ROR1: variants seen among roughly 807,000 people sequenced by gnomAD.
ROR1 encodes inactive tyrosine-protein kinase transmembrane receptor ROR1.
Under a neutral mutation model 78.8 loss-of-function variants are expected in ROR1, and 19 were observed. The observed-to-expected ratio is 0.24, with a 90% CI of 0.17 to 0.35. The LOEUF is 0.35. ROR1 is among the 10% of genes least tolerant of loss of function. The probability of loss-of-function intolerance (pLI) is 1.00; values close to 1 mark genes in which losing one functional copy is unlikely to be tolerated. For missense variants in ROR1, 917 were observed against 1,177.8 expected, an observed-to-expected ratio of 0.78 and a Z score of 3.24; for synonymous variants, 386 against 433.6, an observed-to-expected ratio of 0.89 and a Z score of 1.36.
In ROR1 at chr1:64,177,551, G is replaced by T; in HGVS notation, c.1510G>T (p.Ala504Ser). The T allele has an allele frequency of 6.2e-7, 1 of 1,614,108 alleles. No individual in the cohort carries two copies. Among genetic ancestry groups the T allele is most frequent in the Non-Finnish European group, 8.5e-7 (1 of 1,179,998 alleles). ...LPGMDHAQLVAIKTLKDYNNP... is the reference protein window; with the variant it reads ...LPGMDHAQLVSIKTLKDYNNP... ...AGGCATGGACCATGCTCAGCTGGTT[G>T]CTATCAAGACCTTGAAAGACTATAA... Residue 504 changes from alanine to serine, a missense_variant, in exon 9 of 9, where the codon GCT becomes TCT. Coordinates refer to ENST00000371079, the MANE Select transcript of ROR1 (RefSeq NM_005012.4).
chr1:63,781,168 T>G (rs970296963), intron 1 of ROR1, among the ~76,000 whole-genome samples: 1 of 152,220 alleles, frequency 6.6e-6, no homozygotes, highest in African/African-American at 2.4e-5. Context: ...TAACATTTAT[T>G]ATATATTTAT....
chr1:64,159,188 C>G lies in ROR1; in HGVS notation c.1382C>G (p.Pro461Arg). The change falls in exon 8 of 9, where the codon CCC becomes CGC. Residue 461 changes from proline (P) to arginine (R), a missense_variant. Physicochemically the swap from Pro to Arg is moderately radical, Grantham distance 103. Around this residue, in one of 3 missense-constraint regions of ROR1, gnomAD observed 835 missense variants for 1,069.8 expected, o/e 0.78. Transcript: ENST00000371079. ...ATGTCAATGCTGAATGCATATAAAC[C>G]CAAGGTAATGTTAGCAGTACAGAGC... ...VEMSMLNAYK[P>R]KSKAKELPLS... 6.2e-7 allele frequency: 1 copy of G among 1,611,936 alleles called. No homozygotes were observed. The highest frequency in any genetic ancestry group is 8.5e-7 in the Non-Finnish European group (1 of 1,178,068).
chr1:63,968,671 A>T (rs1408521621), intron 1 of ROR1, among the ~76,000 whole-genome samples: 1 of 152,152 alleles, frequency 6.6e-6, no homozygotes, highest in Non-Finnish European at 1.5e-5. Context: ...TACACCCACT[A>T]GTTTCATGCT....
intron 1 of ROR1, among the ~76,000 whole-genome samples, chr1:63,795,421 T>A (rs142453936): frequency 4.6e-5 from 7 of 152,246 alleles, no homozygotes; most frequent in Admixed American, 2.0e-4. Context: ...TTGGAGGGTA[T>A]GTTTTCTGAC....
intron 1 of ROR1, among the ~76,000 whole-genome samples, chr1:63,929,984 T>C (rs1457094143): frequency 1.3e-5 from 2 of 152,142 alleles, no homozygotes; most frequent in Non-Finnish European, 2.9e-5. Flanking sequence ...TTATTATTAT[T>C]ATTTAAGTTC....
At chr1:63,863,568 T>C (rs1645195546) in intron 1 of ROR1, among the ~76,000 whole-genome samples, 1 of 152,186 alleles carries the variant, frequency 6.6e-6, no homozygotes, top group Non-Finnish European at 1.5e-5. Flanking sequence ...GCTGTGTGCT[T>C]GCCAGCTGAA....
At chr1:63,970,703 G>A (rs1448520452) in intron 1 of ROR1, among the ~76,000 whole-genome samples, 4 of 152,330 alleles carry the variant, frequency 2.6e-5, no homozygotes, top group African/African-American at 4.8e-5. Context: ...CACTGACAGC[G>A]TCTTCTGCCA....
At chr1:63,924,316 G>A (rs1020251897) in intron 1 of ROR1, among the ~76,000 whole-genome samples, 1 of 152,136 alleles carries the variant, frequency 6.6e-6, no homozygotes, top group Non-Finnish European at 1.5e-5. Context: ...TCTAACCAGT[G>A]TCTGCTGTAT....
intron 1 of ROR1, among the ~76,000 whole-genome samples, chr1:63,890,218 C>T (rs570192022): frequency 6.6e-6 from 1 of 152,058 alleles, no homozygotes; most frequent in African/African-American, 2.4e-5. Context: ...GTTACACATA[C>T]TTCTGAAGCT....
chr1:63,890,554 C>T (rs1158284269), intron 1 of ROR1, among the ~76,000 whole-genome samples: 1 of 151,688 alleles, frequency 6.6e-6, no homozygotes, highest in Non-Finnish European at 1.5e-5. Context: ...TTTGATTTGT[C>T]AGGAGTCATG....
intron 1 of ROR1, among the ~76,000 whole-genome samples, chr1:63,815,059 G>A (rs2100275052): frequency 6.6e-6 from 1 of 151,964 alleles, no homozygotes; most frequent in East Asian, 1.9e-4. Context: ...TGATCTCTTT[G>A]GAAAAAAGGG....
At chr1:63,907,274 A>G (rs1008770761) in intron 1 of ROR1, among the ~76,000 whole-genome samples, 5 of 152,168 alleles carry the variant, frequency 3.3e-5, no homozygotes, top group Non-Finnish European at 5.9e-5. Context: ...GATGTTGGCA[A>G]ATAATAAGCA....
intron 4 of ROR1, among the ~76,000 whole-genome samples, chr1:64,088,651 G>T (rs1269073999): frequency 6.6e-6 from 1 of 152,156 alleles, no homozygotes; most frequent in African/African-American, 2.4e-5. Flanking sequence ...ACTAGCTCCA[G>T]TTCTGATCCC....
chr1:64,177,759 T>C lies in ROR1; in HGVS notation c.1718T>C (p.Val573Ala). 6.2e-7 allele frequency: 1 copy of C among 1,614,178 alleles called. No individual in the cohort carries two copies. Among genetic ancestry groups the C allele is most frequent in the Non-Finnish European group, 8.5e-7 (1 of 1,180,014 alleles). ...ATCATGAGATCCCCACACTCTGATG[T>C]TGGCTGCAGCAGTGATGAAGATGGG... The part of the protein sequence containing the change: ...FLIMRSPHSD[V>A]GCSSDEDGTV... Residue 573 changes from valine to alanine, a missense_variant, in exon 9 of 9, where the codon GTT (valine) becomes GCT (alanine). Physicochemically the swap from Val to Ala is moderately conservative, Grantham distance 64. Around this residue, in one of 3 missense-constraint regions of ROR1, gnomAD observed 835 missense variants for 1,069.8 expected, o/e 0.78. Coordinates refer to ENST00000371079, the MANE Select transcript of ROR1 (RefSeq NM_005012.4).
intron 1 of ROR1, among the ~76,000 whole-genome samples, chr1:63,943,655 C>T (rs1021306519): frequency 5.3e-5 from 8 of 152,202 alleles, no homozygotes; most frequent in Non-Finnish European, 7.3e-5. Context: ...AACTGCTCCC[C>T]GCCACCAAGC....
intron 1 of ROR1, chr1:63,788,909 G>A: frequency 1.1e-6 from 1 of 873,842 alleles, no homozygotes; most frequent in Non-Finnish European, 1.8e-6. Context: ...GCTTGTTTTT[G>A]AACACGTTCC....
At chr1:63,942,732 A>G (rs1206186830) in intron 1 of ROR1, among the ~76,000 whole-genome samples, 1 of 152,180 alleles carries the variant, frequency 6.6e-6, no homozygotes, top group Non-Finnish European at 1.5e-5. Flanking sequence ...CAGCTTGGCA[A>G]CGAAGCTATA....
intron 1 of ROR1, among the ~76,000 whole-genome samples, chr1:63,809,427 G>T (rs1190441173): frequency 6.6e-6 from 1 of 152,204 alleles, no homozygotes; most frequent in African/African-American, 2.4e-5. Flanking sequence ...TTTCTAAAGA[G>T]ATTCTAAAAC....
At chr1:63,794,751 C>A (rs1189793648) in intron 1 of ROR1, among the ~76,000 whole-genome samples, 11 of 152,188 alleles carry the variant, frequency 7.2e-5, no homozygotes. Flanking sequence ...AAGAAGGGAG[C>A]AGCGGAGGGA....
Sources: allele counts gnomAD v4.1 joint callset (sites outside exome capture counted in the v4.1 genomes callset), GRCh38; gene constraint gnomAD v4.1.1; regional missense constraint gnomAD v4.1.1; transcripts MANE v1.5; gene names NCBI Gene and HGNC (gene_info 2026-07-23, HGNC 2026-07-21).